ANKRD24: variants seen among roughly 807,000 people sequenced by gnomAD.
ANKRD24 encodes ankyrin repeat domain 24.
ANKRD24 carries 109 observed loss-of-function variants against 127.8 expected under a neutral mutation model. That is an observed-to-expected ratio of 0.85 (90% CI 0.73 to 1.00). The LOEUF (loss-of-function observed/expected upper bound fraction) is 1.00. ANKRD24 is among the 50% of genes least tolerant of loss of function. The probability of loss-of-function intolerance (pLI) is 0.00; values close to 1 mark genes in which losing one functional copy is unlikely to be tolerated. For missense variants in ANKRD24, 1,648 were observed against 1,570.2 expected (o/e 1.05, Z -0.84); for synonymous variants, 743 against 671.1 (o/e 1.11, Z -1.66).
Position 4,212,457 on chromosome 19 carries a change from C to T in ANKRD24, c.1060-18C>T, listed in dbSNP as rs3745987. ...CTCTTGCCCAGATCCAAACCCCTGT[C>T]CCTGTTTCTCCCGTCAGTCCCCGGA... On this transcript the variant is annotated intron_variant, in intron 13 of 21. Coordinates refer to ENST00000318934, the MANE Select transcript of ANKRD24 (RefSeq NM_001393985.1). The T allele has an allele frequency of 6.5e-5, 102 of 1,574,358 alleles. No individual in the cohort carries two copies. The East Asian group carries it at 1.7e-3, about 27-fold the overall frequency.
Position 4,199,836 on chromosome 19 carries a change from G to A in ANKRD24, c.124-39G>A, listed in dbSNP as rs1243305933. 1 of 1,542,900 alleles carries A rather than the reference G, an allele frequency of 6.5e-7. No individual in the cohort carries two copies. On this transcript the variant is annotated intron_variant, in intron 3 of 21. Transcript: ENST00000318934. This position sits in a 1 kb window ranked among gnomAD's most constrained non-coding sequence, Gnocchi z 5.2. Reference sequence around the variant, plus strand: ...TCGGGGGCGTGGGGAGGGGACAGCAGCCAACACTGCCCCACGCACTTCTGG... The same window carrying A: ...TCGGGGGCGTGGGGAGGGGACAGCAACCAACACTGCCCCACGCACTTCTGG...
chr19:4,196,009 G>T (rs8108746), intron 2 of ANKRD24, among the ~76,000 whole-genome samples: 1 of 151,976 alleles, frequency 6.6e-6, no homozygotes, highest in Non-Finnish European at 1.5e-5. Flanking sequence ...ACACTTGCCA[G>T]TGTTGGGATA....
intron 15 of ANKRD24, among the ~76,000 whole-genome samples, chr19:4,215,439 C>T (rs1409347370): frequency 5.5e-5 from 8 of 144,624 alleles, no homozygotes; most frequent in Non-Finnish European, 1.2e-4. Context: ...GAGCCGAGAT[C>T]GTGCCATGGC....
chr19:4,211,770 G>A (rs1425603344), intron 13 of ANKRD24, among the ~76,000 whole-genome samples: 3 of 152,166 alleles, frequency 2.0e-5, no homozygotes, highest in Non-Finnish European at 4.4e-5. Context: ...GGTGCATACT[G>A]GCACACACAG....
chr19:4,212,763 C>T (rs1331919444), intron 15 of ANKRD24, 65 bp downstream of exon 15: 19 of 1,423,552 alleles, frequency 1.3e-5, no homozygotes, highest in East Asian at 7.5e-5. Context: ...CCTACAGCAG[C>T]GACAAGACAG....
At chr19:4,200,553 C>T (rs1207111018) in intron 5 of ANKRD24, among the ~76,000 whole-genome samples, 1 of 152,006 alleles carries the variant, frequency 6.6e-6, no homozygotes, top group East Asian at 1.9e-4. Flanking sequence ...GGGTCTCCCT[C>T]TGTCACCCAG....
chr19:4,201,604 C>T lies in ANKRD24; in HGVS notation c.344-422C>T, dbSNP rs186715600. Among the ~76,000 whole-genome samples, 5 of 152,080 alleles carry T rather than the reference C, an allele frequency of 3.3e-5. No homozygotes were observed. The East Asian group carries it at 7.7e-4, about 23-fold the overall frequency. The stretch of plus-strand genomic sequence containing the variant: ...ATGGTTTTGAGAAGTACCTGATGGC[C>T]GGGCACCATGGCTCATGTCTGTTAA... On this transcript the variant is annotated intron_variant, in intron 5 of 21. Transcript: ENST00000318934.
At chr19:4,186,657 CCG>C (rs1474570506) in intron 2 of ANKRD24, among the ~76,000 whole-genome samples, 196 bp downstream of exon 2, 1 of 152,118 alleles carries the variant, frequency 6.6e-6, no homozygotes, top group Non-Finnish European at 1.5e-5. Context: ...AGGCCCTAGT[CCG>C]CTCTCCATGG....
chr19:4,212,567 C>A, intron 14 of ANKRD24, 33 bp from the exon 15 acceptor site: 1 of 1,548,196 alleles, frequency 6.5e-7, no homozygotes, highest in Non-Finnish European at 8.7e-7. Context: ...CCTTTCCTCC[C>A]AGAGGCAGCT....
At chr19:4,216,087 T>C (rs1373538263) in intron 16 of ANKRD24, 37 bp downstream of exon 16, 1 of 1,556,416 alleles carries the variant, frequency 6.4e-7, no homozygotes, top group African/African-American at 1.4e-5. Context: ...CCAGCCGCCT[T>C]GTCCCCTGGG....
At chr19:4,189,593 C>T (rs1599393185) in intron 2 of ANKRD24, among the ~76,000 whole-genome samples, 1 of 151,428 alleles carries the variant, frequency 6.6e-6, no homozygotes, top group Admixed American at 6.6e-5. Context: ...ACTATGTTGT[C>T]CAGGCTGGTC....
intron 1 of ANKRD24, among the ~76,000 whole-genome samples, chr19:4,184,418 C>G (rs1967935088): frequency 6.6e-6 from 1 of 152,210 alleles, no homozygotes; most frequent in Non-Finnish European, 1.5e-5. Flanking sequence ...CCTAGCCAGG[C>G]TGCGGAGCTA....
At chr19:4,194,124 C>CA (rs1968561884) in intron 2 of ANKRD24, among the ~76,000 whole-genome samples, 1 of 151,858 alleles carries the variant, frequency 6.6e-6, no homozygotes, top group Admixed American at 6.6e-5. Flanking sequence ...GGCTTGGCCC[C>CA]GAAAAAACTT....
intron 15 of ANKRD24, among the ~76,000 whole-genome samples, chr19:4,214,747 G>A (rs185450854): frequency 6.6e-6 from 1 of 152,182 alleles, no homozygotes; most frequent in African/African-American, 2.4e-5. Context: ...CCAGCTACTC[G>A]GGAGGCTAAG....
intron 2 of ANKRD24, among the ~76,000 whole-genome samples, chr19:4,194,298 G>A (rs6510788): frequency 0.17 from 25,595 of 152,018 alleles, 2,240 homozygotes; most frequent in Non-Finnish European, 0.19. Context: ...GATTACAGGC[G>A]TGCACCACCG....
chr19:4,217,119 G>C lies in ANKRD24; in HGVS notation c.1959G>C (p.Gln653His). The change falls in exon 18 of 22, where the codon CAG (glutamine) becomes CAC (histidine). Residue 653 changes from glutamine to histidine, a missense_variant. Transcript: ENST00000318934. ...CAAAAGCAGAGGAAGCAGAAATGCAGGCCTACGGAGTGGGTGCTGGGCAAG... is the reference window on the plus strand; with the variant it reads ...CAAAAGCAGAGGAAGCAGAAATGCACGCCTACGGAGTGGGTGCTGGGCAAG... The part of the protein sequence containing the change: ...TKTKAEEAEM[Q>H]AYGVGAGQAE... The C allele has an allele frequency of 6.2e-7, 1 of 1,613,822 alleles. No individual in the cohort carries two copies. Among genetic ancestry groups the C allele is most frequent in the Non-Finnish European group, 8.5e-7 (1 of 1,179,858 alleles).
rs1373808327 is a variant in ANKRD24, at chr19:4,224,174, C to T, written c.3345C>T (p.His1115=). The change falls in exon 21 of 22, where the codon CAC becomes CAT. Residue 1115 remains histidine, a synonymous_variant. Transcript: ENST00000318934. ...HSSVVALYRS[H]LLYAIQGQMD... is the part of the protein sequence containing the mutation. ...GCGTGGTGGCTTTGTACAGAAGCCA[C>T]CTCCTATATGCCATTCAGGTGAGTG... The T allele has an allele frequency of 1.9e-6, 3 of 1,612,054 alleles. No individual in the cohort carries two copies. Among genetic ancestry groups the T allele is most frequent in the African/African-American group, 1.3e-5 (1 of 74,976 alleles).
chr19:4,210,176 G>T, intron 12 of ANKRD24, 38 bp downstream of exon 12: 6 of 1,577,904 alleles, frequency 3.8e-6, no homozygotes, highest in Non-Finnish European at 5.2e-6. Flanking sequence ...GGCATGGGGA[G>T]CCCCCAGGCA....
Position 4,207,848 on chromosome 19 carries a change from G to T in ANKRD24, c.712G>T (p.Ala238Ser). 1 of 1,565,884 alleles carries T rather than the reference G, an allele frequency of 6.4e-7. No individual in the cohort carries two copies. ...ETVEVLLQGG[A>S]QPGITDALGQ... ...AGTGGAGGTCCTGCTGCAGGGCGGAGCCCAGCCGGGCATCACCGATGCGCT... is the reference window on the plus strand; with the variant it reads ...AGTGGAGGTCCTGCTGCAGGGCGGATCCCAGCCGGGCATCACCGATGCGCT... The change falls in exon 10 of 22, where the codon GCC becomes TCC. Residue 238 changes from alanine to serine, a missense_variant. Coordinates refer to ENST00000318934, the MANE Select transcript of ANKRD24 (RefSeq NM_001393985.1).
Sources: gnomAD v4.1 joint callset for allele counts (sites outside exome capture counted in the v4.1 genomes callset) on GRCh38, gnomAD v4.1.1 for gene constraint, Gnocchi (gnomAD v3.1) non-coding constraint, MANE v1.5 for transcripts, NCBI Gene and HGNC (gene_info 2026-07-23, HGNC 2026-07-21) for gene names.